Variants in ENTPD8 observed in about 807,000 individuals in gnomAD.
ENTPD8 encodes the protein ectonucleoside triphosphate diphosphohydrolase 8.
In ENTPD8, 35 loss-of-function variants were observed where a neutral mutation model predicts 47.0. That is an observed-to-expected ratio of 0.75 (90% CI 0.57 to 0.99). ENTPD8 has a LOEUF of 0.99. ENTPD8 is among the 50% of genes least tolerant of loss of function. ENTPD8 has a pLI of 0.00. For missense variants in ENTPD8, 668 were observed against 649.9 expected (o/e 1.03, Z -0.30); for synonymous variants, 308 against 290.5 (o/e 1.06, Z -0.61).
rs28412191 is a variant in ENTPD8 at position 137,435,617 on chromosome 9, T to G, written c.1161+102A>C. On this transcript the variant is annotated intron_variant, in intron 8 of 9. Coordinates refer to ENST00000371506, the MANE Select transcript of ENTPD8 (RefSeq NM_001033113.2). ...CCTCTGCCCTTGCCTCCCCCGGCCCTGCTGGCCGTGCTGCCCAGAATGAGG... is the reference window on the plus strand; with the variant it reads ...CCTCTGCCCTTGCCTCCCCCGGCCCGGCTGGCCGTGCTGCCCAGAATGAGG... The G allele has an allele frequency of 1.2e-4, 147 of 1,241,402 alleles. No individual in the cohort carries two copies. In the East Asian group the frequency reaches 3.6e-3, roughly 30 times the overall value. 76.9% of individuals were successfully genotyped at this position (1,241,402 alleles called of 1,614,324 possible).
chr9:137,435,218 C>T lies in ENTPD8; in HGVS notation c.1282G>A (p.Glu428Lys), dbSNP rs61491031. ...GFSEETWPSLEFRKQAGGVDI... is the reference protein window; with the variant it reads ...GFSEETWPSLKFRKQAGGVDI... ...GAGGCAGTCACCTGCTTTCGGAACT[C>T]GAGGCTGGGCCAGGTCTCCTCGCTG... The change falls in exon 9 of 10, where the codon GAG (glutamate) becomes AAG (lysine). Residue 428 changes from glutamate (E) to lysine (K), a missense_variant. Physicochemically the swap from Glu to Lys is moderately conservative, Grantham distance 56. Coordinates refer to ENST00000371506, the MANE Select transcript of ENTPD8 (RefSeq NM_001033113.2). The T allele has an allele frequency of 1.8e-4, 297 of 1,611,316 alleles. 1 individual carries two copies. In the African/African-American group the frequency reaches 3.3e-3, roughly 18 times the overall value.
At position 137,438,340 on chromosome 9, in the gene ENTPD8, C is replaced by A; in HGVS notation, c.-20-35G>T. 1 of 1,475,896 alleles carries A rather than the reference C, an allele frequency of 6.8e-7. No individual in the cohort carries two copies. The highest frequency in any genetic ancestry group is 9.0e-7 in the Non-Finnish European group (1 of 1,112,262). The allele number at this position is 1,475,896 out of a possible 1,614,324, so 91.4% of individuals were successfully genotyped here. On this transcript the variant is annotated intron_variant, in intron 1 of 9. Coordinates refer to ENST00000371506, the MANE Select transcript of ENTPD8 (RefSeq NM_001033113.2). The surrounding 1 kb of genome is among the most constrained non-coding windows in gnomAD (Gnocchi z 5.7). ...GACGGCCGTGGGCACCCAGGCTGCA[C>A]TTGGTGTCCCCATCCCGCCCTCCAG...
intron 6 of ENTPD8, 106 bp downstream of exon 6, chr9:137,436,415 G>A (rs542541512): frequency 2.0e-5 from 27 of 1,335,010 alleles, no homozygotes; most frequent in Non-Finnish European, 2.5e-5. Flanking sequence ...CGCCAGCCCC[G>A]CGCCCATACC....
At chr9:137,439,847 CCAGATCAGAACAGCTCCT>C (rs1839470804) in intron 1 of ENTPD8, among the ~76,000 whole-genome samples, 11 of 151,846 alleles carry the variant, frequency 7.2e-5, no homozygotes, top group Non-Finnish European at 1.0e-4. Flanking sequence ...GAACAGCCTC[CCAGATCAGAACAGCTCCT>C]CAGACCAGGA....
chr9:137,437,350 C>T, intron 3 of ENTPD8, 41 bp from the exon 4 acceptor site: 2 of 1,579,212 alleles, frequency 1.3e-6, no homozygotes, highest in South Asian at 1.1e-5. Context: ...ACCCCGCAGG[C>T]TGGCTGGGCT....
chr9:137,436,318 CG>C, intron 6 of ENTPD8, 42 bp from the exon 7 acceptor site: 1 of 1,506,200 alleles, frequency 6.6e-7, no homozygotes, highest in Non-Finnish European at 8.9e-7. Context: ...CGCACACCTG[CG>C]GCCCTGTGCC....
In ENTPD8 at chr9:137,438,363, C is replaced by T. The variant is rs2131908300; in HGVS notation, c.-20-58G>A. 7.0e-7 allele frequency: 1 copy of T among 1,436,630 alleles called. No homozygotes were observed. The highest frequency in any genetic ancestry group is 9.1e-7 in the Non-Finnish European group (1 of 1,093,898). 89.0% of individuals were successfully genotyped at this position (1,436,630 alleles called of 1,614,324 possible). On this transcript the variant is annotated intron_variant, in intron 1 of 9. Coordinates refer to ENST00000371506, the MANE Select transcript of ENTPD8 (RefSeq NM_001033113.2). The surrounding 1 kb of genome is among the most constrained non-coding windows in gnomAD (Gnocchi z 5.7). Reference sequence around the variant, plus strand: ...CACTTGGTGTCCCCATCCCGCCCTCCAGAGGCAGAGGCTTCGCTCCCCGTC... The same window carrying T: ...CACTTGGTGTCCCCATCCCGCCCTCTAGAGGCAGAGGCTTCGCTCCCCGTC...
chr9:137,437,161 G>A lies in ENTPD8; in HGVS notation c.393C>T (p.Leu131=), dbSNP rs1234921946. ...TGCCAAGGCCATGCCTGCCTCACCTGAGCAACCTCATGCCAGCCGTGGCCC... is the reference window on the plus strand; with the variant it reads ...TGCCAAGGCCATGCCTGCCTCACCTAAGCAACCTCATGCCAGCCGTGGCCC... ...FLGATAGMRL[L]SRKNSSQARD... Residue 131 remains leucine (L), a splice_region_variant and synonymous_variant, in exon 4 of 10, where the codon CTC becomes CTT. Transcript: ENST00000371506. The A allele has an allele frequency of 6.2e-7, 1 of 1,612,456 alleles. No individual in the cohort carries two copies. Among genetic ancestry groups the A allele is most frequent in the Non-Finnish European group, 8.5e-7 (1 of 1,179,874 alleles).
At chr9:137,436,373 C>A (rs1839355489) in intron 6 of ENTPD8, 97 bp from the exon 7 acceptor site, 2 of 1,418,988 alleles carry the variant, frequency 1.4e-6, no homozygotes, top group African/African-American at 2.9e-5. Flanking sequence ...GCGCCCATAC[C>A]CTGTGCGCCC....
Position 137,437,181 on chromosome 9 carries a change from T to G in ENTPD8, c.373A>C (p.Thr125Pro). ...CACCTGAGCAACCTCATGCCAGCCG[T>G]GGCCCCCAGGAACGTGGGTGTTTTC... is the stretch of plus-strand genomic sequence containing the variant. ...HRKTPTFLGA[T>P]AGMRLLSRKN... Residue 125 changes from threonine (T) to proline (P), a missense_variant, in exon 4 of 10, where the codon ACG becomes CCG. Transcript: ENST00000371506. The G allele has an allele frequency of 6.2e-7, 1 of 1,612,600 alleles. No individual in the cohort carries two copies. The highest frequency in any genetic ancestry group is 2.2e-5 in the East Asian group (1 of 44,840).
In ENTPD8 at chr9:137,437,004, C is replaced by G. The variant is rs1488606047; in HGVS notation, c.420G>C (p.Arg140Ser). Residue 140 changes from arginine to serine, a missense_variant, in exon 5 of 10, where the codon AGG becomes AGC. Coordinates refer to ENST00000371506, the MANE Select transcript of ENTPD8 (RefSeq NM_001033113.2). ...CCTGGGTGACTGCTGCAAAGATGTC[C>G]CTGGCCTGAGAGCTGTTCTTCCGGC... is the stretch of plus-strand genomic sequence containing the variant. ...LLSRKNSSQA[R>S]DIFAAVTQVL... 1 of 1,612,810 alleles carries G rather than the reference C, an allele frequency of 6.2e-7. No homozygotes were observed. The highest frequency in any genetic ancestry group is 1.7e-5 in the Admixed American group (1 of 60,020).
Position 137,438,306 on chromosome 9 carries a change from C to CT in ENTPD8, c.-20-2dup. On this transcript the variant is annotated splice_acceptor_variant, in intron 1 of 9. Coordinates refer to ENST00000371506, the MANE Select transcript of ENTPD8 (RefSeq NM_001033113.2). LOFTEE classifies it low-confidence loss of function (5UTR_SPLICE). The surrounding 1 kb of genome is among the most constrained non-coding windows in gnomAD (Gnocchi z 5.7). ...CCCATGGTGCAGGTGGTACTGGTTC[C>CT]TGTGGGGGGACGGCCGTGGGCACCC... 2.0e-6 allele frequency: 3 copies of CT among 1,536,518 alleles called. No individual in the cohort carries two copies. Among genetic ancestry groups the CT allele is most frequent in the Non-Finnish European group, 2.6e-6 (3 of 1,138,216 alleles).
Position 137,438,277 on chromosome 9 carries a change from C to T in ENTPD8, c.9G>A (p.Leu3=), listed in dbSNP as rs1338105369. 4 of 1,585,288 alleles carry T rather than the reference C, an allele frequency of 2.5e-6. No individual in the cohort carries two copies. In the African/African-American group the frequency reaches 4.0e-5, roughly 16 times the overall value. The change falls in exon 2 of 10, where the codon CTG becomes CTA. Residue 3 remains leucine (L), a synonymous_variant. Transcript: ENST00000371506. The surrounding 1 kb of genome is among the most constrained non-coding windows in gnomAD (Gnocchi z 5.7). ...CCAAGAAGACCTGCTCCTTCCGGGA[C>T]AGCCCCATGGTGCAGGTGGTACTGG... MG[L]SRKEQVFLAL... is the part of the protein sequence containing the mutation.
At chr9:137,436,446 C>T (rs1221272694) in intron 6 of ENTPD8, 75 bp downstream of exon 6, 10 of 1,488,696 alleles carry the variant, frequency 6.7e-6, no homozygotes, top group East Asian at 2.4e-5. Context: ...TCCCCGGGGC[C>T]GGATGACCCA....
At position 137,436,244 on chromosome 9, in the gene ENTPD8, G is replaced by C. The variant is rs1465913505; in HGVS notation, c.819C>G (p.Cys273Trp). ...SRPAALLRHP[C>W]YLSGYQTTLA... ...GTGTGGTCTGGTAGCCGCTGAGGTA[G>C]CACGGGTGACGGAGCAGGGCAGCCG... Residue 273 changes from cysteine (C) to tryptophan (W), a missense_variant, in exon 7 of 10, where the codon TGC becomes TGG. Cys to Trp is a radical substitution (Grantham distance 215, BLOSUM62 -2). Transcript: ENST00000371506. 1 of 1,604,772 alleles carries C rather than the reference G, an allele frequency of 6.2e-7. No individual in the cohort carries two copies. The highest frequency in any genetic ancestry group is 8.5e-7 in the Non-Finnish European group (1 of 1,174,222).
At chr9:137,439,600 A>G (rs1839464003) in intron 1 of ENTPD8, among the ~76,000 whole-genome samples, 1 of 152,072 alleles carries the variant, frequency 6.6e-6, no homozygotes. Context: ...AGGAGGGTAG[A>G]TGACAGAGGC....
rs1322400605 is a variant in ENTPD8 at position 137,441,349 on chromosome 9, C to G, written c.-84G>C. On this transcript the variant is annotated 5_prime_UTR_variant, in exon 1 of 10. Transcript: ENST00000371506. ...AGCTGTGCTTAGACGCTTCTGTGTC[C>G]GCGCACCTGGCGTCCAGCCTCTCCC... 4.4e-6 allele frequency: 1 copy of G among 227,164 alleles called. No individual in the cohort carries two copies. The allele number at this position is 227,164 out of a possible 1,614,324, so 14.1% of individuals were successfully genotyped here.
In ENTPD8 at chr9:137,438,736, G is replaced by C. The variant is rs1038354532; in HGVS notation, c.-20-431C>G. 6.6e-6 allele frequency among the ~76,000 whole-genome samples: 1 copy of C among 152,162 alleles called. No homozygotes were observed. Among genetic ancestry groups the C allele is most frequent in the Non-Finnish European group, 1.5e-5 (1 of 67,992 alleles). On this transcript the variant is annotated intron_variant, in intron 1 of 9. Transcript: ENST00000371506. The surrounding 1 kb of genome is among the most constrained non-coding windows in gnomAD (Gnocchi z 5.7). ...AGCCACGCCTGCCAGGGGTGCCATG[G>C]GCATCAGAGGGCCCTGTGGGAGGGG...
intron 7 of ENTPD8, 78 bp from the exon 8 acceptor site, chr9:137,435,907 C>G: frequency 1.2e-6 from 2 of 1,604,886 alleles, no homozygotes; most frequent in South Asian, 1.1e-5. Context: ...CTCCCAGAGC[C>G]CCTAAGAGCC....
Sources: allele counts gnomAD v4.1 joint callset (sites outside exome capture counted in the v4.1 genomes callset), GRCh38; gene constraint gnomAD v4.1.1; non-coding constraint Gnocchi (gnomAD v3.1); transcripts MANE v1.5; gene names NCBI Gene and HGNC (gene_info 2026-07-23, HGNC 2026-07-21).